Variants in IL1R1 observed in about 807,000 individuals in gnomAD.
IL1R1 encodes the protein interleukin 1 receptor type 1, also known as interleukin-1 receptor type 1.
In IL1R1, 22 loss-of-function variants were observed where a neutral mutation model predicts 50.2. The observed-to-expected ratio is 0.44, with a 90% confidence interval of 0.31 to 0.63. IL1R1 has a LOEUF of 0.63. Ranked by LOEUF, IL1R1 falls within the 20% of genes least tolerant of loss-of-function variation. IL1R1 has a pLI of 0.07. For missense variants in IL1R1, 509 were observed against 676.2 expected, an observed-to-expected ratio of 0.75 and a Z score of 2.74; for synonymous variants, 251 against 236.7, an observed-to-expected ratio of 1.06 and a Z score of -0.55.
intron 8 of IL1R1, 177 bp from the exon 9 acceptor site, chr2:102,172,510 G>A: frequency 4.3e-6 from 5 of 1,164,388 alleles, no homozygotes; most frequent in Non-Finnish European, 5.6e-6. Flanking sequence ...TGGTCTTGGG[G>A]TTATAAAATC....
At chr2:102,098,756 A>T (rs935991998) in intron 1 of IL1R1, among the ~76,000 whole-genome samples, 17 of 152,326 alleles carry the variant, frequency 1.1e-4, no homozygotes, top group African/African-American at 4.1e-4. Context: ...AAGATCATGA[A>T]TTAATTTTCC....
intron 1 of IL1R1, among the ~76,000 whole-genome samples, chr2:102,147,564 G>A (rs1282596444): frequency 6.6e-6 from 1 of 152,180 alleles, no homozygotes; most frequent in East Asian, 1.9e-4. Flanking sequence ...CAAGAGATGA[G>A]GCCCATCCCT....
intron 1 of IL1R1, among the ~76,000 whole-genome samples, chr2:102,135,463 G>C (rs747166977): frequency 1.5e-4 from 23 of 152,120 alleles, no homozygotes; most frequent in Non-Finnish European, 2.5e-4. Context: ...ATGAATCCAT[G>C]TATTTACAAA....
chr2:102,106,444 A>G (rs1680416385), intron 1 of IL1R1, among the ~76,000 whole-genome samples: 1 of 152,234 alleles, frequency 6.6e-6, no homozygotes. Context: ...GCTATTGTTA[A>G]TCATTGAACT....
intron 1 of IL1R1, among the ~76,000 whole-genome samples, chr2:102,092,769 A>C (rs1362720518): frequency 6.6e-6 from 1 of 152,130 alleles, no homozygotes; most frequent in African/African-American, 2.4e-5. Context: ...GGGCAGCAAG[A>C]GAAGAAAGGA....
chr2:102,100,307 A>G (rs547291109), upstream of IL1R1, among the ~76,000 whole-genome samples: 1 of 152,252 alleles, frequency 6.6e-6, no homozygotes, highest in Admixed American at 6.5e-5. Context: ...GACCATGTCC[A>G]TGCCCAGCCT....
intron 1 of IL1R1, among the ~76,000 whole-genome samples, chr2:102,143,813 C>T (rs1682885403): frequency 2.0e-5 from 3 of 152,226 alleles, no homozygotes; most frequent in Admixed American, 6.5e-5. Context: ...TGTCTCTCCA[C>T]TGCCTTATCT....
chr2:102,113,763 G>C (rs1201450553), intron 1 of IL1R1, among the ~76,000 whole-genome samples: 1 of 152,138 alleles, frequency 6.6e-6, no homozygotes, highest in East Asian at 1.9e-4. Context: ...GAACCGGCCA[G>C]GATCAGCAGC....
chr2:102,130,016 G>A (rs966911230), intron 1 of IL1R1, among the ~76,000 whole-genome samples: 2 of 152,162 alleles, frequency 1.3e-5, no homozygotes, highest in East Asian at 3.9e-4. Flanking sequence ...AAAAACGAAA[G>A]TATCAAAAAG....
At chr2:102,130,197 C>A (rs911722113) in intron 1 of IL1R1, among the ~76,000 whole-genome samples, 3 of 152,150 alleles carry the variant, frequency 2.0e-5, no homozygotes, top group Non-Finnish European at 4.4e-5. Context: ...AGACACATAC[C>A]ATGTTTGAAT....
intron 1 of IL1R1, among the ~76,000 whole-genome samples, chr2:102,095,742 C>A (rs1207603259): frequency 6.6e-6 from 1 of 152,224 alleles, no homozygotes; most frequent in South Asian, 2.1e-4. Flanking sequence ...CGGTGGCTCA[C>A]GCCTGAAATC....
intron 1 of IL1R1, among the ~76,000 whole-genome samples, chr2:102,087,311 C>T (rs1228390554): frequency 6.6e-6 from 1 of 152,122 alleles, no homozygotes; most frequent in Non-Finnish European, 1.5e-5. Flanking sequence ...TAAAATAAGA[C>T]AACAATTAAC....
chr2:102,115,560 T>A (rs1681023740), intron 1 of IL1R1, among the ~76,000 whole-genome samples: 3 of 152,184 alleles, frequency 2.0e-5, no homozygotes, highest in Non-Finnish European at 4.4e-5. Context: ...AAGTAGGGGC[T>A]GCAAAGTGCC....
At chr2:102,174,277 TG>T (rs1436336764) in intron 9 of IL1R1, among the ~76,000 whole-genome samples, 1 of 152,224 alleles carries the variant, frequency 6.6e-6, no homozygotes, top group African/African-American at 2.4e-5. Flanking sequence ...TGTAGGCTTT[TG>T]AGTGATTTTA....
At chr2:102,091,758 G>A (rs1012908022) in intron 1 of IL1R1, among the ~76,000 whole-genome samples, 1 of 152,088 alleles carries the variant, frequency 6.6e-6, no homozygotes, top group African/African-American at 2.4e-5. Flanking sequence ...CATTGACCAA[G>A]CTCTCTTTAT....
intron 1 of IL1R1, among the ~76,000 whole-genome samples, chr2:102,120,353 T>C (rs1374241146): frequency 6.6e-6 from 1 of 152,148 alleles, no homozygotes; most frequent in Non-Finnish European, 1.5e-5. Context: ...TTTGTGTGTG[T>C]TGCATGTGCT....
chr2:102,161,051 A>C (rs1379447701), intron 3 of IL1R1, among the ~76,000 whole-genome samples: 1 of 152,172 alleles, frequency 6.6e-6, no homozygotes, highest in Non-Finnish European at 1.5e-5. Flanking sequence ...TCAATTTGAA[A>C]TTTTTAAAAA....
At chr2:102,167,195 C>T (rs1685254230) in intron 6 of IL1R1, among the ~76,000 whole-genome samples, 1 of 152,014 alleles carries the variant, frequency 6.6e-6, no homozygotes, top group African/African-American at 2.4e-5. Flanking sequence ...CTTCACTTTT[C>T]CAGTTATATA....
chr2:102,145,078 C>T (rs11123911), intron 1 of IL1R1, among the ~76,000 whole-genome samples: 28,857 of 152,166 alleles, frequency 0.19, 3,545 homozygotes, highest in African/African-American at 0.34. Context: ...GTGAAACTAC[C>T]ATAGCATAGT....
Sources: allele counts gnomAD v4.1 joint callset (sites outside exome capture counted in the v4.1 genomes callset), GRCh38; gene constraint gnomAD v4.1.1; transcripts MANE v1.5; gene names NCBI Gene and HGNC (gene_info 2026-07-23, HGNC 2026-07-21).